The following ZNF521 variants were observed in gnomAD, a reference collection of about 807,000 sequenced individuals.
ZNF521 encodes the protein zinc finger protein 521, also known as LYST-interacting protein 3.
A neutral mutation model predicts 105.5 loss-of-function variants in ZNF521; 14 were observed. That is an observed-to-expected ratio of 0.13 (90% CI 0.09 to 0.21). ZNF521 has a LOEUF of 0.21. ZNF521 is among the 10% of genes least tolerant of loss of function. ZNF521 has a pLI of 1.00. For missense variants in ZNF521, 1,233 were observed against 1,629.7 expected (o/e 0.76, Z 4.19); for synonymous variants, 635 against 606.0 (o/e 1.05, Z -0.70).
chr18:25,181,335 T>C (rs1287263486), intron 5 of ZNF521, among the ~76,000 whole-genome samples: 2 of 152,172 alleles, frequency 1.3e-5, no homozygotes, highest in African/African-American at 4.8e-5. Flanking sequence ...GACAGCCTGA[T>C]AGAACTCAGT....
chr18:25,114,388 G>C (rs56916274), intron 5 of ZNF521, among the ~76,000 whole-genome samples: 178 of 152,236 alleles, frequency 1.2e-3, no homozygotes, highest in African/African-American at 4.0e-3. Context: ...AGGTCAAATT[G>C]GGGAAAACTG....
chr18:25,180,713 A>G (rs1335043899), intron 5 of ZNF521, among the ~76,000 whole-genome samples: 2 of 152,110 alleles, frequency 1.3e-5, no homozygotes, highest in South Asian at 2.1e-4. Flanking sequence ...CTGCTACTCT[A>G]TTTCTCCACC....
chr18:25,235,840 C>G (rs1463335279), intron 3 of ZNF521, among the ~76,000 whole-genome samples: 1 of 152,166 alleles, frequency 6.6e-6, no homozygotes, highest in Non-Finnish European at 1.5e-5. Context: ...GAACAATTAG[C>G]ACCCCCTGTG....
intron 3 of ZNF521, among the ~76,000 whole-genome samples, chr18:25,280,401 T>TG (rs1600250990): frequency 6.6e-6 from 1 of 151,492 alleles, no homozygotes; most frequent in African/African-American, 2.4e-5. Flanking sequence ...TCATCAGGAT[T>TG]GGGAAGGGAT....
chr18:25,112,974 A>T (rs921363440), intron 5 of ZNF521, among the ~76,000 whole-genome samples: 1 of 147,314 alleles, frequency 6.8e-6, no homozygotes, highest in Admixed American at 6.7e-5. Flanking sequence ...AATTATGCAG[A>T]TTTTTTTTGT....
chr18:25,205,158 A>C (rs1024299515), intron 4 of ZNF521, among the ~76,000 whole-genome samples: 6 of 151,264 alleles, frequency 4.0e-5, no homozygotes, highest in African/African-American at 1.2e-4. Flanking sequence ...AAAAAAAAAA[A>C]AAAAAAAAAA....
chr18:25,091,557 C>A (rs748464955), intron 6 of ZNF521, among the ~76,000 whole-genome samples: 3 of 152,040 alleles, frequency 2.0e-5, no homozygotes, highest in Non-Finnish European at 4.4e-5. Flanking sequence ...AAGTAGCAGA[C>A]ATGCGCTGAC....
rs117297396 is a variant in ZNF521, at chr18:25,317,849, C to T, written c.220+4159G>A. Among the ~76,000 whole-genome samples the T allele has an allele frequency of 1.4e-3, 207 of 152,222 alleles. 1 individual carries two copies. The highest frequency in any genetic ancestry group is 3.4e-3 in the Middle Eastern group (1 of 294). ...TAATATAAATGTTAGCAAGTACGTA[C>T]GACAACCAGAATTCTCATCTACTGC... On this transcript the variant is annotated intron_variant, in intron 3 of 7. Coordinates refer to ENST00000361524, the MANE Select transcript of ZNF521 (RefSeq NM_015461.3).
At chr18:25,290,722 T>C (rs1195572266) in intron 3 of ZNF521, among the ~76,000 whole-genome samples, 1 of 151,378 alleles carries the variant, frequency 6.6e-6, no homozygotes, top group Admixed American at 6.6e-5. Flanking sequence ...GCAATTCTCG[T>C]GCCTCAGCCT....
At chr18:25,246,396 G>A (rs1157063249) in intron 3 of ZNF521, among the ~76,000 whole-genome samples, 1 of 152,134 alleles carries the variant, frequency 6.6e-6, no homozygotes, top group East Asian at 1.9e-4. Flanking sequence ...ACAATCAATT[G>A]TAGGGATAGA....
intron 5 of ZNF521, among the ~76,000 whole-genome samples, chr18:25,114,612 C>T (rs903041472): frequency 1.3e-5 from 2 of 152,192 alleles, no homozygotes; most frequent in Non-Finnish European, 2.9e-5. Flanking sequence ...CTGCACTCCA[C>T]GAAATAAATC....
intron 3 of ZNF521, among the ~76,000 whole-genome samples, chr18:25,284,908 G>GTGCA (rs1555658151): frequency 2.9e-5 from 4 of 139,382 alleles, no homozygotes; most frequent in African/African-American, 1.1e-4. Flanking sequence ...GCGTGCGCGC[G>GTGCA]CGCACACACA....
intron 7 of ZNF521, among the ~76,000 whole-genome samples, chr18:25,064,875 A>T (rs60839849): frequency 0.11 from 17,169 of 152,216 alleles, 1,081 homozygotes; most frequent in Non-Finnish European, 0.13. Flanking sequence ...CTTATTTAAA[A>T]CATATCTTAA....
intron 7 of ZNF521, among the ~76,000 whole-genome samples, chr18:25,078,108 T>G (rs1034468142): frequency 3.3e-5 from 5 of 152,164 alleles, no homozygotes; most frequent in Admixed American, 3.3e-4. Context: ...CCCCCGCTGA[T>G]GGAGGCCTAG....
chr18:25,103,021 A>G (rs1458111132), intron 5 of ZNF521, among the ~76,000 whole-genome samples: 13 of 152,110 alleles, frequency 8.5e-5, no homozygotes, highest in African/African-American at 3.1e-4. Flanking sequence ...TCACCCCTTG[A>G]AAGCTTTTCT....
rs1007731530 is a variant in ZNF521 at position 25,173,128 on chromosome 18, T to C, written c.3658+22032A>G. Among the ~76,000 whole-genome samples, 5 of 152,374 alleles carry C rather than the reference T, an allele frequency of 3.3e-5. No individual in the cohort carries two copies. In the East Asian group the frequency reaches 9.6e-4, roughly 29 times the overall value. ...GAGAATGATAAATCTGAGTGCGTCC[T>C]ACAGTGATGCTGTGGGACACATATT... On this transcript the variant is annotated intron_variant, in intron 5 of 7. Coordinates refer to ENST00000361524, the MANE Select transcript of ZNF521 (RefSeq NM_015461.3).
At chr18:25,235,104 T>C (rs1906798061) in intron 3 of ZNF521, among the ~76,000 whole-genome samples, 4 of 152,192 alleles carry the variant, frequency 2.6e-5, no homozygotes, top group African/African-American at 9.6e-5. Context: ...TTGTGATTAA[T>C]TCATGAGTGT....
chr18:25,295,168 C>A (rs1911255635), intron 3 of ZNF521, among the ~76,000 whole-genome samples: 1 of 152,094 alleles, frequency 6.6e-6, no homozygotes, highest in South Asian at 2.1e-4. Context: ...ATTTTCCATT[C>A]TTTTATTGTT....
chr18:25,199,557 G>C (rs936619903), intron 4 of ZNF521, among the ~76,000 whole-genome samples: 1 of 151,812 alleles, frequency 6.6e-6, no homozygotes, highest in Admixed American at 6.6e-5. Flanking sequence ...AGTATTTAGG[G>C]ATGAAATATT....
Sources: gnomAD v4.1 joint callset for allele counts (sites outside exome capture counted in the v4.1 genomes callset) on GRCh38, gnomAD v4.1.1 for gene constraint, MANE v1.5 for transcripts, NCBI Gene and HGNC (gene_info 2026-07-23, HGNC 2026-07-21) for gene names.